FMN1: variants seen among roughly 807,000 people sequenced by gnomAD.
FMN1 encodes formin-1.
In FMN1, 110 loss-of-function variants were observed where a neutral mutation model predicts 132.4. The ratio of observed to expected loss-of-function variants is 0.83; its 90% confidence interval spans 0.71 to 0.97. FMN1 has a LOEUF of 0.97. Among genes scored for constraint, FMN1 ranks in the 50% least tolerant of loss-of-function variants. The pLI, the probability that FMN1 is intolerant of heterozygous loss-of-function variation, is 0.00. For missense variants in FMN1, 1,792 were observed against 1,705.3 expected (o/e 1.05, Z -0.90); for synonymous variants, 722 against 651.7 (o/e 1.11, Z -1.64).
chr15:32,815,244 C>A (rs2058021000), intron 17 of FMN1, among the ~76,000 whole-genome samples: 1 of 152,110 alleles, frequency 6.6e-6, no homozygotes, highest in African/African-American at 2.4e-5. Context: ...GCCCGGCCTG[C>A]ATGTTTATTT....
At chr15:32,940,043 A>T (rs911741512) in intron 9 of FMN1, among the ~76,000 whole-genome samples, 1 of 152,176 alleles carries the variant, frequency 6.6e-6, no homozygotes, top group Non-Finnish European at 1.5e-5. Flanking sequence ...CTATTTTGAC[A>T]ATTTTTCAGT....
intron 6 of FMN1, among the ~76,000 whole-genome samples, chr15:33,047,764 A>G (rs343910): frequency 0.71 from 108,155 of 152,020 alleles, 38,954 homozygotes; most frequent in Non-Finnish European, 0.76. Context: ...TTAATTTCTG[A>G]AGATCTGTTT....
At chr15:33,021,223 G>A (rs1312521631) in intron 6 of FMN1, among the ~76,000 whole-genome samples, 1 of 150,616 alleles carries the variant, frequency 6.6e-6, no homozygotes, top group East Asian at 1.9e-4. Context: ...GCCCAAACCA[G>A]CTCAGCTGAA....
rs1246458831 is a variant in FMN1, at chr15:32,843,926, T to C, written c.3928+13089A>G. The stretch of plus-strand genomic sequence containing the variant: ...ACGAGAAGACCAGTTTATCTCTGTT[T>C]AAAACAGTTCTGATCTACTCAAATA... On this transcript the variant is annotated intron_variant, in intron 17 of 20. Transcript: ENST00000616417. Among the ~76,000 whole-genome samples, 3 of 152,338 alleles carry C rather than the reference T, an allele frequency of 2.0e-5. No homozygotes were observed. In the East Asian group the frequency reaches 5.8e-4, roughly 29 times the overall value.
At chr15:33,096,827 C>T (rs2039103087) in intron 4 of FMN1, among the ~76,000 whole-genome samples, 1 of 152,122 alleles carries the variant, frequency 6.6e-6, no homozygotes, top group South Asian at 2.1e-4. Flanking sequence ...GTATCGAACC[C>T]CTAGGCTAAA....
At chr15:33,027,846 G>T (rs551002591) in intron 6 of FMN1, among the ~76,000 whole-genome samples, 15 of 152,286 alleles carry the variant, frequency 9.8e-5, no homozygotes, top group African/African-American at 3.4e-4. Context: ...ATGAAGAAAA[G>T]CACACACTGA....
chr15:32,933,595 G>C (rs979839051), intron 9 of FMN1, among the ~76,000 whole-genome samples: 10 of 151,928 alleles, frequency 6.6e-5, no homozygotes, highest in African/African-American at 2.2e-4. Flanking sequence ...GTGTTGCTGT[G>C]TATTTCTCCC....
chr15:32,943,037 A>T (rs2061432363), intron 9 of FMN1, among the ~76,000 whole-genome samples: 1 of 152,222 alleles, frequency 6.6e-6, no homozygotes, highest in Admixed American at 6.5e-5. Flanking sequence ...TTCAAAATCC[A>T]GAACTTTTTC....
intron 6 of FMN1, among the ~76,000 whole-genome samples, chr15:33,052,883 C>T (rs1596560112): frequency 6.6e-6 from 1 of 152,222 alleles, no homozygotes; most frequent in Middle Eastern, 3.4e-3. Flanking sequence ...TTTACTTTAA[C>T]CTTTTTTGCA....
rs377702560 is a variant in FMN1 at position 33,120,991 on chromosome 15, T to TA, written c.1868-32018dup. ...CTCTTTTCCTCCCATTGCTTCTTGA[T>TA]AGAGGTTTTAGTCTTAATTATAGGA... On this transcript the variant is annotated intron_variant, in intron 4 of 20. Coordinates refer to ENST00000616417, the MANE Select transcript of FMN1 (RefSeq NM_001277313.2). 4.1e-3 allele frequency among the ~76,000 whole-genome samples: 627 copies of TA among 152,296 alleles called. 4 individuals carry two copies. The highest frequency in any genetic ancestry group is 0.014 in the African/African-American group (574 of 41,566).
intron 12 of FMN1, among the ~76,000 whole-genome samples, chr15:32,903,126 C>G (rs889988923): frequency 7.9e-5 from 12 of 152,152 alleles, no homozygotes; most frequent in African/African-American, 2.2e-4. Flanking sequence ...TTTCTAACAT[C>G]AATTGATTTC....
chr15:33,150,120 T>C (rs1056935967), intron 4 of FMN1: 4 of 985,310 alleles, frequency 4.1e-6, no homozygotes, highest in African/African-American at 3.5e-5. Context: ...ATACTAAAGA[T>C]TGGGCATTTC....
At chr15:32,973,783 C>T (rs2031986711) in intron 7 of FMN1, among the ~76,000 whole-genome samples, 3 of 152,194 alleles carry the variant, frequency 2.0e-5, no homozygotes, top group Admixed American at 2.0e-4. Flanking sequence ...AATGAAGCAT[C>T]TCAAGTTCAT....
Position 32,934,637 on chromosome 15 carries a change from C to G in FMN1, c.3139-8376G>C, listed in dbSNP as rs185780514. Among the ~76,000 whole-genome samples, 955 of 140,610 alleles carry G rather than the reference C, an allele frequency of 6.8e-3. 19 individuals carry two copies. Among genetic ancestry groups the G allele is most frequent in the African/African-American group, 0.025 (914 of 37,000 alleles). The allele number at this position is 140,610 out of a possible 152,430, so 92.2% of individuals were successfully genotyped here. A position where few individuals can be genotyped will look rare whatever the true frequency, so the allele number is the denominator to read the frequency against. On this transcript the variant is annotated intron_variant, in intron 9 of 20. Coordinates refer to ENST00000616417, the MANE Select transcript of FMN1 (RefSeq NM_001277313.2). ...TTTTTGGGTGGGGAGGACTGAGTCT[C>G]ACTCTGTCACCCAGGCTGGAGTGCA...
At chr15:32,803,303 G>A (rs756578540) in intron 18 of FMN1, among the ~76,000 whole-genome samples, 1 of 152,046 alleles carries the variant, frequency 6.6e-6, no homozygotes, top group South Asian at 2.1e-4. Context: ...TCAAATTTCA[G>A]CCCTAAATAT....
At chr15:32,828,791 A>G (rs564405851) in intron 17 of FMN1, among the ~76,000 whole-genome samples, 3 of 152,330 alleles carry the variant, frequency 2.0e-5, no homozygotes, top group African/African-American at 7.2e-5. Context: ...TGGGAATAGA[A>G]AGCATACATT....
At chr15:32,858,100 T>C (rs1309385544) in intron 16 of FMN1, among the ~76,000 whole-genome samples, 1 of 152,188 alleles carries the variant, frequency 6.6e-6, no homozygotes, top group Non-Finnish European at 1.5e-5. Context: ...TAGAGAAACA[T>C]ATACTACAGA....
rs73386868 is a variant in FMN1 at position 32,837,584 on chromosome 15, T to C, written c.3928+19431A>G. 4.5e-3 allele frequency among the ~76,000 whole-genome samples: 686 copies of C among 152,256 alleles called. 5 individuals carry two copies. Among genetic ancestry groups the C allele is most frequent in the African/African-American group, 0.015 (614 of 41,544 alleles). ...GAAGATGAAGAACCAGCTTAGGAGA[T>C]TGAGGAATGCCCATGAAGTAGAGAG... is the stretch of plus-strand genomic sequence containing the variant. On this transcript the variant is annotated intron_variant, in intron 17 of 20. Transcript: ENST00000616417.
chr15:33,001,853 C>G (rs1435681403), intron 7 of FMN1, among the ~76,000 whole-genome samples: 2 of 151,912 alleles, frequency 1.3e-5, no homozygotes, highest in African/African-American at 4.8e-5. Flanking sequence ...CCATACTGCA[C>G]CACTCAACGA....
Sources: gnomAD v4.1 joint callset for allele counts (sites outside exome capture counted in the v4.1 genomes callset) on GRCh38, gnomAD v4.1.1 for gene constraint, MANE v1.5 for transcripts, NCBI Gene and HGNC (gene_info 2026-07-23, HGNC 2026-07-21) for gene names.